Variants in GRM8 observed in about 807,000 individuals in gnomAD.
The protein encoded by GRM8 is metabotropic glutamate receptor 8.
Under a neutral mutation model 87.2 loss-of-function variants are expected in GRM8, and 47 were observed. The observed-to-expected ratio is 0.54, with a 90% CI of 0.43 to 0.69. GRM8 has a LOEUF of 0.69. Ranked by LOEUF, GRM8 falls within the 30% of genes least tolerant of loss-of-function variation. GRM8 has a pLI of 0.00. For missense variants in GRM8, 1,019 were observed against 1,139.2 expected, an observed-to-expected ratio of 0.89 and a Z score of 1.52; for synonymous variants, 396 against 404.5, an observed-to-expected ratio of 0.98 and a Z score of 0.25.
At chr7:126,713,735 G>A (rs980995375) in intron 7 of GRM8, among the ~76,000 whole-genome samples, 1 of 151,790 alleles carries the variant, frequency 6.6e-6, no homozygotes, top group African/African-American at 2.4e-5. Flanking sequence ...GTTAGTCAAA[G>A]GATATAAACT....
intron 6 of GRM8, among the ~76,000 whole-genome samples, chr7:126,799,429 T>C (rs1267790169): frequency 1.3e-5 from 2 of 152,068 alleles, no homozygotes; most frequent in Non-Finnish European, 2.9e-5. Flanking sequence ...AGGATGGATG[T>C]AAGAGACAAG....
At chr7:126,619,582 A>C (rs1799898744) in intron 7 of GRM8, among the ~76,000 whole-genome samples, 1 of 152,226 alleles carries the variant, frequency 6.6e-6, no homozygotes, top group South Asian at 2.1e-4. Context: ...TATTTGATTA[A>C]GCAATATTCA....
At chr7:126,490,291 GC>G (rs1229297357) in intron 9 of GRM8, among the ~76,000 whole-genome samples, 2 of 151,906 alleles carry the variant, frequency 1.3e-5, no homozygotes, top group Non-Finnish European at 2.9e-5. Context: ...TTTCAGACAA[GC>G]CCTTGGTAAG....
At chr7:127,029,070 T>C (rs1419693285) in intron 3 of GRM8, among the ~76,000 whole-genome samples, 1 of 152,228 alleles carries the variant, frequency 6.6e-6, no homozygotes, top group South Asian at 2.1e-4. Flanking sequence ...AACATCTTTA[T>C]TTCTGTCTTC....
intron 6 of GRM8, among the ~76,000 whole-genome samples, chr7:126,778,038 C>G (rs1016003354): frequency 2.3e-4 from 35 of 152,078 alleles, no homozygotes; most frequent in African/African-American, 8.4e-4. Context: ...AATTTCACAC[C>G]CAAGGTTCTG....
At chr7:126,824,403 C>G (rs1161630889) in intron 6 of GRM8, among the ~76,000 whole-genome samples, 2 of 152,198 alleles carry the variant, frequency 1.3e-5, no homozygotes, top group African/African-American at 2.4e-5. Flanking sequence ...ATGTACTGTG[C>G]TTTAAAACTT....
At chr7:126,930,876 C>T (rs570704861) in intron 3 of GRM8, among the ~76,000 whole-genome samples, 44 of 152,294 alleles carry the variant, frequency 2.9e-4, no homozygotes, top group African/African-American at 1.0e-3. Flanking sequence ...CCTGAACTCT[C>T]TCTTTGTCTG....
chr7:126,535,742 C>A (rs1285173161), intron 8 of GRM8, among the ~76,000 whole-genome samples: 1 of 152,152 alleles, frequency 6.6e-6, no homozygotes, highest in Non-Finnish European at 1.5e-5. Context: ...TCAGTTTGGT[C>A]CAGTGTCCAA....
chr7:126,636,882 G>C (rs1223059972), intron 7 of GRM8, among the ~76,000 whole-genome samples: 1 of 151,828 alleles, frequency 6.6e-6, no homozygotes, highest in East Asian at 1.9e-4. Flanking sequence ...ATTTATTTAG[G>C]TTCTTTTTTC....
At chr7:126,544,603 CG>C (rs1816925935) in intron 8 of GRM8, among the ~76,000 whole-genome samples, 2 of 152,032 alleles carry the variant, frequency 1.3e-5, no homozygotes, top group Non-Finnish European at 2.9e-5. Context: ...CTCCGCCTCC[CG>C]GGTTCAGACG....
chr7:126,958,996 T>C (rs930967614), intron 3 of GRM8, among the ~76,000 whole-genome samples: 1 of 152,148 alleles, frequency 6.6e-6, no homozygotes, highest in African/African-American at 2.4e-5. Context: ...TTGTTGACTC[T>C]CTAACAAGCT....
intron 3 of GRM8, among the ~76,000 whole-genome samples, chr7:126,950,493 T>TTC (rs536467034): frequency 2.6e-5 from 4 of 151,830 alleles, no homozygotes; most frequent in East Asian, 1.9e-4. Flanking sequence ...TTTTATCTAT[T>TTC]TCTCTCTCTC....
At chr7:126,540,879 G>A (rs901899215) in intron 8 of GRM8, among the ~76,000 whole-genome samples, 15 of 152,288 alleles carry the variant, frequency 9.8e-5, no homozygotes, top group African/African-American at 3.6e-4. Context: ...AAGAACCACT[G>A]AATTGCATAC....
intron 3 of GRM8, among the ~76,000 whole-genome samples, chr7:127,067,384 A>T (rs1821230223): frequency 6.6e-6 from 1 of 152,240 alleles, no homozygotes; most frequent in Non-Finnish European, 1.5e-5. Flanking sequence ...GATTCCTGCC[A>T]TGTGACAGTT....
chr7:126,522,828 C>T (rs1392628103), intron 9 of GRM8, among the ~76,000 whole-genome samples: 1 of 152,168 alleles, frequency 6.6e-6, no homozygotes, highest in Non-Finnish European at 1.5e-5. Flanking sequence ...ATACTGTGAA[C>T]TTCACCTCCA....
At chr7:127,183,962 C>T (rs1397518738) in intron 2 of GRM8, among the ~76,000 whole-genome samples, 2 of 151,706 alleles carry the variant, frequency 1.3e-5, no homozygotes, top group East Asian at 3.8e-4. Flanking sequence ...CCAAAAGTCA[C>T]AAAAGGAAAA....
chr7:126,890,956 C>T (rs1055240376), intron 6 of GRM8, among the ~76,000 whole-genome samples: 2 of 152,052 alleles, frequency 1.3e-5, no homozygotes, highest in Non-Finnish European at 2.9e-5. Flanking sequence ...TCTGTCTCAG[C>T]AAGACCTTGT....
rs1234940392 is a variant in GRM8 at position 127,146,331 on chromosome 7, T to C, written c.511-39619A>G. The stretch of plus-strand genomic sequence containing the variant: ...CTGTCGCTGAAGAGAGTGTAGGAGA[T>C]ACTTGTGGCATTCTATGGTCCCTTG... On this transcript the variant is annotated intron_variant, in intron 2 of 10. Coordinates refer to ENST00000339582, the MANE Select transcript of GRM8 (RefSeq NM_000845.3). Among the ~76,000 whole-genome samples, 5 of 152,120 alleles carry C rather than the reference T, an allele frequency of 3.3e-5. No homozygotes were observed. In the East Asian group the frequency reaches 7.8e-4, roughly 24 times the overall value.
intron 8 of GRM8, among the ~76,000 whole-genome samples, chr7:126,560,888 T>C (rs1035485800): frequency 6.6e-6 from 1 of 152,220 alleles, no homozygotes; most frequent in African/African-American, 2.4e-5. Context: ...TTAAGTAATT[T>C]CATTATTATA....
Sources: allele counts gnomAD v4.1 joint callset (sites outside exome capture counted in the v4.1 genomes callset), GRCh38; gene constraint gnomAD v4.1.1; transcripts MANE v1.5; gene names NCBI Gene and HGNC (gene_info 2026-07-23, HGNC 2026-07-21).